Variants in SLC4A4 observed in about 807,000 individuals in gnomAD.
SLC4A4 encodes the protein solute carrier family 4 member 4.
SLC4A4 carries 27 observed loss-of-function variants against 111.5 expected under a neutral mutation model. The ratio of observed to expected loss-of-function variants is 0.24; its 90% CI spans 0.18 to 0.33. SLC4A4 has a LOEUF of 0.33. Ranked by LOEUF, SLC4A4 falls within the 10% of genes least tolerant of loss-of-function variation. The probability of loss-of-function intolerance (pLI) is 1.00; values close to 1 mark genes in which losing one functional copy is unlikely to be tolerated. For synonymous variants in SLC4A4, 443 were observed against 463.4 expected, an observed-to-expected ratio of 0.96 and a Z score of 0.57; for missense variants, 909 against 1,315.5, an observed-to-expected ratio of 0.69 and a Z score of 4.78.
At chr4:71,175,999 C>A (rs1210807550) in intron 2 of SLC4A4, among the ~76,000 whole-genome samples, 7 of 152,174 alleles carry the variant, frequency 4.6e-5, no homozygotes, top group African/African-American at 7.2e-5. Flanking sequence ...AACGATCAGG[C>A]AGCAACATTT....
chr4:71,339,701 C>A (rs1412509537), intron 4 of SLC4A4, among the ~76,000 whole-genome samples, 196 bp downstream of exon 4: 3 of 152,102 alleles, frequency 2.0e-5, no homozygotes, highest in African/African-American at 7.2e-5. Flanking sequence ...CCTCTTATTT[C>A]ACTATTGGGG....
In SLC4A4 at chr4:71,450,505, G is replaced by A. The variant is rs778804628; in HGVS notation, c.1170G>A (p.Arg390=). The part of the protein sequence containing the change: ...LPPGEWDPAI[R]IEPPKSLPSS... Reference sequence around the variant, plus strand: ...CTGGGGAATGGGATCCAGCAATTAGGATAGAGCCTCCTAAGAGTCTTCCAT... The same window carrying A: ...CTGGGGAATGGGATCCAGCAATTAGAATAGAGCCTCCTAAGAGTCTTCCAT... The change falls in exon 10 of 26, where the codon AGG becomes AGA. Residue 390 remains arginine (R), a synonymous_variant. Coordinates refer to ENST00000264485, the MANE Select transcript of SLC4A4 (RefSeq NM_001098484.3). 31 of 1,613,644 alleles carry A rather than the reference G, an allele frequency of 1.9e-5. No homozygotes were observed. Among genetic ancestry groups the A allele is most frequent in the Non-Finnish European group, 2.5e-5 (29 of 1,179,886 alleles).
intron 6 of SLC4A4, among the ~76,000 whole-genome samples, chr4:71,377,228 G>A (rs763492971): frequency 1.1e-4 from 17 of 152,190 alleles, no homozygotes; most frequent in Non-Finnish European, 2.2e-4. Context: ...ACTTCTTTGT[G>A]TCTGGCAGAA....
intron 7 of SLC4A4, among the ~76,000 whole-genome samples, chr4:71,423,722 G>C (rs1705734297): frequency 6.6e-6 from 1 of 152,234 alleles, no homozygotes; most frequent in African/African-American, 2.4e-5. Context: ...ACAAACCTGA[G>C]AAAAACAAGC....
At chr4:71,562,863 G>T (rs1227462303) in intron 23 of SLC4A4, among the ~76,000 whole-genome samples, 1 of 151,416 alleles carries the variant, frequency 6.6e-6, no homozygotes, top group African/African-American at 2.4e-5. Flanking sequence ...CCTCTTTAGA[G>T]TCATAAATAA....
chr4:71,332,654 G>T (rs1728106239), intron 3 of SLC4A4, among the ~76,000 whole-genome samples: 2 of 151,784 alleles, frequency 1.3e-5, no homozygotes, highest in South Asian at 4.2e-4. Flanking sequence ...CTGTGGTCTC[G>T]ATCTCCTGAC....
At chr4:71,140,616 G>C (rs1743969778) in intron 2 of SLC4A4, among the ~76,000 whole-genome samples, 1 of 152,004 alleles carries the variant, frequency 6.6e-6, no homozygotes, top group Admixed American at 6.6e-5. Flanking sequence ...CACTGCCCCA[G>C]CCTGCCTCAT....
At chr4:71,477,587 A>G (rs1036804121) in intron 14 of SLC4A4, among the ~76,000 whole-genome samples, 3 of 151,860 alleles carry the variant, frequency 2.0e-5, no homozygotes, top group African/African-American at 7.2e-5. Flanking sequence ...TCGAGGCTAC[A>G]AAAGTGTTGT....
At chr4:71,202,329 A>G (rs1486525435) in intron 1 of SLC4A4, among the ~76,000 whole-genome samples, 2 of 152,180 alleles carry the variant, frequency 1.3e-5, no homozygotes, top group African/African-American at 4.8e-5. Context: ...GGACATGGCT[A>G]ATTCCCTTGG....
intron 25 of SLC4A4, 126 bp downstream of exon 25, chr4:71,567,209 T>C: frequency 2.6e-6 from 2 of 776,298 alleles, no homozygotes; most frequent in South Asian, 1.7e-5. Context: ...TTAAATAAAT[T>C]ACCCAGTGAC....
intron 6 of SLC4A4, among the ~76,000 whole-genome samples, chr4:71,390,566 T>C (rs1411805036): frequency 6.6e-6 from 1 of 152,150 alleles, no homozygotes; most frequent in Admixed American, 6.6e-5. Context: ...CCTTCTTTTC[T>C]TTATGAAAAT....
At chr4:71,212,602 G>A (rs1718198471) in intron 1 of SLC4A4, among the ~76,000 whole-genome samples, 2 of 152,254 alleles carry the variant, frequency 1.3e-5, no homozygotes, top group African/African-American at 4.8e-5. Context: ...AGTGTGAGGG[G>A]AAGGTTGAGA....
chr4:71,191,155 G>A (rs1183597894), intron 1 of SLC4A4, among the ~76,000 whole-genome samples: 1 of 152,222 alleles, frequency 6.6e-6, no homozygotes, highest in South Asian at 2.1e-4. Context: ...AAGCTATGAT[G>A]TTTGGTAGGT....
intron 16 of SLC4A4, among the ~76,000 whole-genome samples, chr4:71,505,437 G>T (rs909339664): frequency 1.3e-5 from 2 of 151,232 alleles, no homozygotes; most frequent in African/African-American, 4.8e-5. Flanking sequence ...TTGCATTTCT[G>T]TAATGATTAG....
intron 6 of SLC4A4, among the ~76,000 whole-genome samples, chr4:71,358,271 C>T (rs1322612812): frequency 2.0e-5 from 3 of 150,492 alleles, no homozygotes; most frequent in East Asian, 2.0e-4. Context: ...GCCAAGATCA[C>T]GCCACTGCAC....
At chr4:71,294,547 A>C (rs1724625363) in intron 3 of SLC4A4, among the ~76,000 whole-genome samples, 1 of 152,210 alleles carries the variant, frequency 6.6e-6, no homozygotes, top group African/African-American at 2.4e-5. Context: ...GCTGTGAGCC[A>C]GCAAGTGTGC....
intron 15 of SLC4A4, among the ~76,000 whole-genome samples, chr4:71,489,712 T>C (rs1269216001): frequency 6.6e-6 from 1 of 151,680 alleles, no homozygotes; most frequent in Admixed American, 6.6e-5. Flanking sequence ...TCCTGAACCT[T>C]TCCTAGGACA....
chr4:71,527,662 A>G (rs1733537574), intron 16 of SLC4A4, among the ~76,000 whole-genome samples: 1 of 151,668 alleles, frequency 6.6e-6, no homozygotes, highest in Non-Finnish European at 1.5e-5. Flanking sequence ...GATTGAATTT[A>G]CTTGCCACCG....
At chr4:71,301,145 C>T (rs1578787160) in intron 3 of SLC4A4, 1 of 339,656 alleles carries the variant, frequency 2.9e-6, no homozygotes, top group South Asian at 2.6e-5. Context: ...ATGGGCACCA[C>T]ACGTGGCAGT....
Sources: allele counts gnomAD v4.1 joint callset (sites outside exome capture counted in the v4.1 genomes callset), GRCh38; gene constraint gnomAD v4.1.1; transcripts MANE v1.5; gene names NCBI Gene and HGNC (gene_info 2026-07-23, HGNC 2026-07-21).